SETD9: variants seen among roughly 807,000 people sequenced by gnomAD.
The protein encoded by SETD9 is SET domain containing 9, also known as SET domain-containing protein 9.
A neutral mutation model predicts 36.4 loss-of-function variants in SETD9; 37 were observed. The observed-to-expected ratio is 1.02, with a 90% CI of 0.78 to 1.34. SETD9 has a LOEUF of 1.34. Among genes scored for constraint, SETD9 ranks in the 40% most tolerant of loss-of-function variants. SETD9 has a pLI of 0.00. For synonymous variants in SETD9, 128 were observed against 132.9 expected (o/e 0.96, Z 0.26); for missense variants, 323 against 353.2 (o/e 0.91, Z 0.69).
At chr5:56,922,836 A>G in intron 5 of SETD9, 1 of 342,288 alleles carries the variant, frequency 2.9e-6, no homozygotes, top group Non-Finnish European at 5.5e-6. Context: ...GAATAGAAAA[A>G]GAAGGGAGTG....
downstream of SETD9, among the ~76,000 whole-genome samples, chr5:56,926,274 C>G (rs547606218): frequency 1.4e-4 from 22 of 152,082 alleles, no homozygotes; most frequent in Admixed American, 5.2e-4. Context: ...AACTTTTACT[C>G]TGCAAACACA....
At chr5:56,910,925 A>T in intron 1 of SETD9, 1 of 289,414 alleles carries the variant, frequency 3.5e-6, no homozygotes, top group Non-Finnish European at 6.4e-6. Flanking sequence ...GGAATAATGT[A>T]AGGACCCCAC....
downstream of SETD9, chr5:56,928,646 T>C (rs1750120033): frequency 1.7e-6 from 1 of 580,762 alleles, no homozygotes; most frequent in South Asian, 2.5e-5. Context: ...TAGAATGATA[T>C]CTGAAATGCT....
Position 56,923,403 on chromosome 5 carries a change from A to G in SETD9, c.813-1930A>G, listed in dbSNP as rs766219551. The G allele has an allele frequency of 3.1e-6, 5 of 1,614,148 alleles. No individual in the cohort carries two copies. The South Asian group carries it at 5.5e-5, about 18-fold the overall frequency. On this transcript the variant is annotated intron_variant, in intron 5 of 5. Coordinates refer to the SETD9 transcript ENST00000628593. ...ATAGGGTTTAGCTCCGAGTGATAAA[A>G]TCCAGTCTCAAATAAATTAAAACAA... is the stretch of plus-strand genomic sequence containing the variant.
At chr5:56,923,904 A>G in intron 5 of SETD9, 1 of 1,614,118 alleles carries the variant, frequency 6.2e-7, no homozygotes, top group Non-Finnish European at 8.5e-7. Context: ...AGGCAAGGCC[A>G]CAGTACTTAC....
At chr5:56,909,555 G>A (rs1256110715), upstream of SETD9, 6 of 977,248 alleles carry the variant, frequency 6.1e-6, no homozygotes, top group African/African-American at 5.3e-5. Flanking sequence ...AGGCGGCCGA[G>A]CGCGGCCCCC....
chr5:56,914,862 C>CA lies in SETD9; in HGVS notation c.709dup (p.Arg237LysfsTer4), dbSNP rs1179080607. On this transcript the variant is annotated frameshift_variant and splice_region_variant, in exon 5 of 6. Coordinates refer to ENST00000285947, the MANE Select transcript of SETD9 (RefSeq NM_153706.4). LOFTEE classifies it high-confidence loss of function. ...TAAAAATGATGTGCTTGTTCCTAGA[C>CA]AGAGCAGCTAATGTCTGTTATCAGG... 3 of 1,595,044 alleles carry CA rather than the reference C, an allele frequency of 1.9e-6. No individual in the cohort carries two copies. Among genetic ancestry groups the CA allele is most frequent in the Non-Finnish European group, 2.6e-6 (3 of 1,167,298 alleles).
Position 56,909,609 on chromosome 5 carries a change from C to T in SETD9, c.-37C>T, listed in dbSNP as rs1267619465. On this transcript the variant is annotated 5_prime_UTR_variant, in exon 1 of 6. Coordinates refer to ENST00000285947, the MANE Select transcript of SETD9 (RefSeq NM_153706.4). ...CGGGCCCGAGGCCTCGATCCGCCTT[C>T]CCCGCGCCGTCCTGGTCACGGCCCC... The T allele has an allele frequency of 6.4e-7, 1 of 1,555,508 alleles. No individual in the cohort carries two copies. Among genetic ancestry groups the T allele is most frequent in the East Asian group, 2.5e-5 (1 of 40,212 alleles).
rs1283377009 is a variant in SETD9 at position 56,911,340 on chromosome 5, G to A, written c.270G>A (p.Leu90=). The change falls in exon 2 of 6, where the codon CTG becomes CTA. Residue 90 remains leucine (L), a synonymous_variant. Coordinates refer to ENST00000285947, the MANE Select transcript of SETD9 (RefSeq NM_153706.4). ...TTAAATCAAAATATCAAGACCTACT[G>A]GCAGTTGAACATCAAGGGGTGAAAC... ...ESVKSKYQDL[L]AVEHQGVKLL... 1.2e-6 allele frequency: 2 copies of A among 1,611,416 alleles called. No individual in the cohort carries two copies. The highest frequency in any genetic ancestry group is 1.7e-6 in the Non-Finnish European group (2 of 1,179,056).
Position 56,913,001 on chromosome 5 carries a change from T to G in SETD9, c.467-10T>G. 1 of 1,610,874 alleles carries G rather than the reference T, an allele frequency of 6.2e-7. No individual in the cohort carries two copies. Among genetic ancestry groups the G allele is most frequent in the South Asian group, 1.1e-5 (1 of 90,308 alleles). On this transcript the variant is annotated splice_polypyrimidine_tract_variant and intron_variant, in intron 2 of 5. Transcript: ENST00000285947. The stretch of plus-strand genomic sequence containing the variant: ...TTGTTATCATATTTCTTTGTCTTGT[T>G]GTGTAATAGGTACAGTATATCAGAA...
At chr5:56,921,624 C>G (rs1749677769), downstream of SETD9, 1 of 152,608 alleles carries the variant, frequency 6.6e-6, no homozygotes, top group Non-Finnish European at 1.5e-5. Flanking sequence ...AATAAATACC[C>G]TCCCTTTCAA....
In SETD9 at chr5:56,913,145, C is replaced by T. The variant is rs1480448016; in HGVS notation, c.590+11C>T. On this transcript the variant is annotated intron_variant, in intron 3 of 5. Transcript: ENST00000285947. The stretch of plus-strand genomic sequence containing the variant: ...AAAAGTTGTGTACAGGTAAGTGATG[C>T]CCATGTTCAAATTTAATTATAGGAG... 3.1e-6 allele frequency: 5 copies of T among 1,612,032 alleles called. No homozygotes were observed. The highest frequency in any genetic ancestry group is 4.2e-6 in the Non-Finnish European group (5 of 1,179,246).
chr5:56,913,961 G>A lies in SETD9; in HGVS notation c.678G>A (p.Val226=). 6 of 1,613,572 alleles carry A rather than the reference G, an allele frequency of 3.7e-6. No individual in the cohort carries two copies. Among genetic ancestry groups the A allele is most frequent in the Non-Finnish European group, 5.1e-6 (6 of 1,179,602 alleles). Residue 226 remains valine (V), a synonymous_variant, in exon 4 of 6, where the codon GTG becomes GTA. Transcript: ENST00000285947. ...LTSEIHNPLA[V]GQYVNNCSND... ...CAGAAATTCATAACCCTCTGGCTGT[G>A]GGACAGTATGTCAACAATTGTTCCA...
At chr5:56,923,491 T>C (rs778400127) in intron 5 of SETD9, 6 of 1,614,060 alleles carry the variant, frequency 3.7e-6, no homozygotes, top group Admixed American at 3.3e-5. Flanking sequence ...CATGATTAAC[T>C]TGTCCACGGG....
chr5:56,919,012 G>C (rs529724592), downstream of SETD9, among the ~76,000 whole-genome samples: 8 of 151,992 alleles, frequency 5.3e-5, no homozygotes, highest in African/African-American at 1.7e-4. Flanking sequence ...AATAATATTT[G>C]ACCAAATTTC....
chr5:56,923,655 C>T, intron 5 of SETD9: 1 of 1,613,560 alleles, frequency 6.2e-7, no homozygotes. Flanking sequence ...AATTTTGCAA[C>T]AAACTGTACT....
intron 5 of SETD9, 69 bp downstream of exon 5, chr5:56,915,035 G>A: frequency 2.5e-6 from 3 of 1,193,248 alleles, no homozygotes; most frequent in Non-Finnish European, 2.3e-6. Context: ...AGAAGAAAAA[G>A]CTATGTAGAA....
At chr5:56,918,573 G>A (rs2112042365), downstream of SETD9, among the ~76,000 whole-genome samples, 1 of 152,300 alleles carries the variant, frequency 6.6e-6, no homozygotes, top group South Asian at 2.1e-4. Context: ...GCTCTCACAT[G>A]GCACATTGTT....
Position 56,916,839 on chromosome 5 carries a change from C to G in SETD9, c.837C>G (p.Val279=), listed in dbSNP as rs774527908. 31 of 1,606,348 alleles carry G rather than the reference C, an allele frequency of 1.9e-5. No homozygotes were observed. The highest frequency in any genetic ancestry group is 2.5e-5 in the Non-Finnish European group (30 of 1,177,402). ...GCCCACTTCGATGTGTTGTTCTTGT[C>G]GCACTTAGGGACATCAATCAAGGAG... The part of the protein sequence containing the change: ...KQSPLRCVVL[V]ALRDINQGEE... Residue 279 remains valine (V), a synonymous_variant, in exon 6 of 6, where the codon GTC becomes GTG. Transcript: ENST00000285947.
Sources: allele counts gnomAD v4.1 joint callset (sites outside exome capture counted in the v4.1 genomes callset), GRCh38; gene constraint gnomAD v4.1.1; transcripts MANE v1.5; gene names NCBI Gene and HGNC (gene_info 2026-07-23, HGNC 2026-07-21).